CSMD2: variants seen among roughly 807,000 people sequenced by gnomAD.
CSMD2 encodes CUB and sushi domain-containing protein 2.
A neutral mutation model predicts 398.5 loss-of-function variants in CSMD2; 130 were observed. The ratio of observed to expected loss-of-function variants is 0.33; its 90% CI spans 0.28 to 0.38. The LOEUF is 0.38. CSMD2 is among the 10% of genes least tolerant of loss of function. CSMD2 has a pLI of 1.00. For missense variants in CSMD2, 3,829 were observed against 4,764.9 expected, an observed-to-expected ratio of 0.80 and a Z score of 5.78; for synonymous variants, 1,828 against 1,908.5, an observed-to-expected ratio of 0.96 and a Z score of 1.10.
At chr1:33,809,188 T>C (rs958722177) in intron 10 of CSMD2, among the ~76,000 whole-genome samples, 6 of 151,966 alleles carry the variant, frequency 3.9e-5, no homozygotes, top group Non-Finnish European at 7.4e-5. Flanking sequence ...TTTCTGAGGC[T>C]AGCAATATAT....
chr1:33,540,786 C>A, intron 59 of CSMD2, 88 bp from the exon 60 acceptor site: 1 of 1,457,104 alleles, frequency 6.9e-7, no homozygotes, highest in South Asian at 1.3e-5. Context: ...GACTACCCTG[C>A]ACCCACCTAG....
At chr1:33,816,412 C>T (rs964716403) in intron 9 of CSMD2, among the ~76,000 whole-genome samples, 2 of 152,122 alleles carry the variant, frequency 1.3e-5, no homozygotes, top group Middle Eastern at 3.4e-3. Flanking sequence ...TCCCTGGGGC[C>T]CCAGGGGTAC....
At chr1:33,692,218 C>G (rs1162350009) in intron 25 of CSMD2, among the ~76,000 whole-genome samples, 1 of 152,200 alleles carries the variant, frequency 6.6e-6, no homozygotes, top group Non-Finnish European at 1.5e-5. Context: ...TCCTCTGACT[C>G]CTTGAAATTC....
At position 33,680,918 on chromosome 1, in the gene CSMD2, C is replaced by CTTTTTTTTTTTTTTTTTTT. The variant is rs66489770; in HGVS notation, c.4052+11993_4052+12011dup. 5.3e-5 allele frequency among the ~76,000 whole-genome samples: 4 copies of CTTTTTTTTTTTTTTTTTTT among 75,932 alleles called. 1 individual carries two copies. Among genetic ancestry groups the CTTTTTTTTTTTTTTTTTTT allele is most frequent in the African/African-American group, 1.1e-4 (2 of 18,664 alleles). The allele number at this position is 75,932 out of a possible 152,430, so 49.8% of individuals were successfully genotyped here. A position where few individuals can be genotyped will look rare whatever the true frequency, so the allele number is the denominator to read the frequency against. On this transcript the variant is annotated intron_variant, in intron 25 of 70. Coordinates refer to ENST00000373381, the MANE Select transcript of CSMD2 (RefSeq NM_001281956.2). Reference sequence around the variant, plus strand: ...CTTATTTCCATCATCCTGTTTTATGCTTTTTTTTTTTTTTTTTTTTTTTTG... The same window carrying CTTTTTTTTTTTTTTTTTTT: ...CTTATTTCCATCATCCTGTTTTATGCTTTTTTTTTTTTTTTTTTTTTTTTTTTTTTTTTTTTTTTTTTTG...
chr1:34,072,574 G>T (rs2148301888), intron 2 of CSMD2, among the ~76,000 whole-genome samples: 1 of 152,340 alleles, frequency 6.6e-6, no homozygotes, highest in African/African-American at 2.4e-5. Flanking sequence ...AGGACCAATT[G>T]TGAGAAGTGA....
At chr1:33,695,829 A>G (rs1003147267) in intron 24 of CSMD2, among the ~76,000 whole-genome samples, 2 of 152,172 alleles carry the variant, frequency 1.3e-5, no homozygotes, top group African/African-American at 4.8e-5. Context: ...CACAAGCTCT[A>G]TTTGGATGGA....
chr1:33,730,331 G>A lies in CSMD2; in HGVS notation c.2369-3646C>T, dbSNP rs556295154. Among the ~76,000 whole-genome samples the A allele has an allele frequency of 1.1e-4, 17 of 152,270 alleles. No homozygotes were observed. In the East Asian group the frequency reaches 1.5e-3, roughly 14 times the overall value. ...ACTAAAAGATTATTCACAGAAGGACGGAGGGAACAGGGTAGAGAAGATAGG... is the reference window on the plus strand; with the variant it reads ...ACTAAAAGATTATTCACAGAAGGACAGAGGGAACAGGGTAGAGAAGATAGG... On this transcript the variant is annotated intron_variant, in intron 15 of 70. Transcript: ENST00000373381.
chr1:33,970,213 A>G (rs748234940), intron 3 of CSMD2, among the ~76,000 whole-genome samples: 11 of 152,128 alleles, frequency 7.2e-5, no homozygotes, highest in African/African-American at 2.2e-4. Context: ...GAATGAATGA[A>G]TGAGTGAGTG....
intron 44 of CSMD2, chr1:33,592,542 T>C (rs1639535089): frequency 2.8e-6 from 2 of 716,938 alleles, no homozygotes; most frequent in Non-Finnish European, 5.2e-6. Flanking sequence ...CACAAAGTGA[T>C]TGGAATGTGT....
chr1:33,852,604 C>G (rs79045568), intron 5 of CSMD2, among the ~76,000 whole-genome samples: 21,026 of 152,260 alleles, frequency 0.14, 1,872 homozygotes, highest in South Asian at 0.32. Flanking sequence ...TCCCTGCCCC[C>G]AGTGGACATG....
At chr1:33,785,119 C>T (rs1653361908) in intron 12 of CSMD2, among the ~76,000 whole-genome samples, 1 of 152,222 alleles carries the variant, frequency 6.6e-6, no homozygotes, top group Non-Finnish European at 1.5e-5. Context: ...AGTCCATGAG[C>T]AGCATTCACA....
At chr1:33,546,357 A>ATATGGAGGCAGGAGCATGTG in intron 56 of CSMD2, 138 bp from the exon 57 acceptor site, 1 of 775,032 alleles carries the variant, frequency 1.3e-6, no homozygotes, top group Non-Finnish European at 2.0e-6. Flanking sequence ...AGTTACCTGC[A>ATATGGAGGCAGGAGCATGTG]CATGCTCCTG....
intron 39 of CSMD2, 47 bp downstream of exon 39, chr1:33,616,859 T>G: frequency 6.7e-7 from 1 of 1,482,782 alleles, no homozygotes; most frequent in Non-Finnish European, 9.4e-7. Flanking sequence ...CTAAGATCCC[T>G]GAGAGAAAAT....
In CSMD2 at chr1:33,755,520, C is replaced by G. The variant is rs571020835; in HGVS notation, c.1847-11914G>C. Among the ~76,000 whole-genome samples, 16 of 152,254 alleles carry G rather than the reference C, an allele frequency of 1.1e-4. 1 individual carries two copies. In the South Asian group the frequency reaches 1.9e-3, roughly 18 times the overall value. On this transcript the variant is annotated intron_variant, in intron 13 of 70. Coordinates refer to ENST00000373381, the MANE Select transcript of CSMD2 (RefSeq NM_001281956.2). ...TGCAGTCTAGAAACTCACACACATT[C>G]CAAAAGGAGTATGAAGGATAAATGG...
At chr1:33,731,504 T>C (rs968023830) in intron 15 of CSMD2, among the ~76,000 whole-genome samples, 1 of 151,990 alleles carries the variant, frequency 6.6e-6, no homozygotes, top group Non-Finnish European at 1.5e-5. Flanking sequence ...AAAGGGAACA[T>C]AAAAGAGAGA....
At chr1:34,147,626 G>A (rs974495155) in intron 1 of CSMD2, among the ~76,000 whole-genome samples, 2 of 125,908 alleles carry the variant, frequency 1.6e-5, no homozygotes, top group African/African-American at 6.1e-5. Context: ...AGAGAGACGG[G>A]GTGACAGCCA....
rs542972854 is a variant in CSMD2, at chr1:33,672,682, C to T, written c.4053-9590G>A. Among the ~76,000 whole-genome samples the T allele has an allele frequency of 2.5e-4, 38 of 152,352 alleles. 1 individual carries two copies. The South Asian group carries it at 3.1e-3, about 12-fold the overall frequency. Reference sequence around the variant, plus strand: ...CTGCCGCCTCAAGTGGGTCCCTGACCCCCGAGTAGCCTAACTGGGAGGCAA... The same window carrying T: ...CTGCCGCCTCAAGTGGGTCCCTGACTCCCGAGTAGCCTAACTGGGAGGCAA... On this transcript the variant is annotated intron_variant, in intron 25 of 70. Coordinates refer to ENST00000373381, the MANE Select transcript of CSMD2 (RefSeq NM_001281956.2).
At chr1:33,724,398 C>A (rs2149202555) in intron 18 of CSMD2, 85 bp from the exon 19 acceptor site, 1 of 1,507,182 alleles carries the variant, frequency 6.6e-7, no homozygotes, top group South Asian at 1.2e-5. Flanking sequence ...CATCCCCCAT[C>A]TCTCGAAAGC....
chr1:34,018,163 C>T (rs1648393485), intron 3 of CSMD2, among the ~76,000 whole-genome samples: 1 of 152,176 alleles, frequency 6.6e-6, no homozygotes, highest in African/African-American at 2.4e-5. Context: ...ATCCATTTTG[C>T]ATTCTGGTTT....
Sources: gnomAD v4.1 joint callset for allele counts (sites outside exome capture counted in the v4.1 genomes callset) on GRCh38, gnomAD v4.1.1 for gene constraint, MANE v1.5 for transcripts, NCBI Gene and HGNC (gene_info 2026-07-23, HGNC 2026-07-21) for gene names.